The following PCYT1B variants were observed in gnomAD, a reference collection of about 807,000 sequenced individuals.
PCYT1B encodes phosphate cytidylyltransferase 1B, choline.
Under a neutral mutation model 26.4 loss-of-function variants are expected in PCYT1B, and 10 were observed. The ratio of observed to expected loss-of-function variants is 0.38; its 90% CI spans 0.23 to 0.64. The LOEUF (loss-of-function observed/expected upper bound fraction) is 0.64, where lower values mean the gene tolerates loss of function less well. Among genes scored for constraint, PCYT1B ranks in the 30% least tolerant of loss-of-function variants. The pLI, the probability that PCYT1B is intolerant of heterozygous loss-of-function variation, is 0.56. For missense variants in PCYT1B, 161 were observed against 292.7 expected (o/e 0.55, Z 3.28); for synonymous variants, 131 against 108.4 (o/e 1.21, Z -1.29).
chrX:24,608,596 C>G (rs1773619216), intron 2 of PCYT1B, among the ~76,000 whole-genome samples: 1 of 111,257 alleles, frequency 9.0e-6, no homozygotes, highest in Non-Finnish European at 1.9e-5. Flanking sequence ...ACACTATAGT[C>G]CTTCCTAGGG....
chrX:24,570,456 G>T (rs1349928145), intron 7 of PCYT1B, among the ~76,000 whole-genome samples: 1 of 108,874 alleles, frequency 9.2e-6, no homozygotes, highest in Admixed American at 9.9e-5. Context: ...GTTTCACCAC[G>T]TTGGCCAGGC....
chrX:24,593,437 CTTTCTTTCT>C (rs201774230), intron 3 of PCYT1B, among the ~76,000 whole-genome samples: 2,803 of 73,117 alleles, frequency 0.038, 62 homozygotes, highest in Non-Finnish European at 0.054. Context: ...TCTTTCCTTT[CTTTCTTTCT>C]TTTCTTTTCT....
chrX:24,638,585 C>CT (rs1386796339), intron 1 of PCYT1B, among the ~76,000 whole-genome samples: 5 of 111,499 alleles, frequency 4.5e-5, no homozygotes, highest in African/African-American at 1.6e-4. Flanking sequence ...ACCTTCCTTG[C>CT]TTTTTTTTCC....
rs1000792432 is a variant in PCYT1B at position 24,587,095 on chromosome X, G to C, written c.565+146C>G. 2.2e-5 allele frequency: 10 copies of C among 448,011 alleles called. No individual in the cohort carries two copies. In the East Asian group the frequency reaches 3.7e-4, roughly 17 times the overall value. The allele number at this position is 448,011 out of a possible 1,213,427, so 36.9% of individuals were successfully genotyped here. A position where few individuals can be genotyped will look rare whatever the true frequency, so the allele number is the denominator to read the frequency against. The stretch of plus-strand genomic sequence containing the variant: ...AACTGAGCCTTAGCACATGCTAACA[G>C]TGGCTTGTAGAAGCCGCCTGGGGGA... On this transcript the variant is annotated intron_variant, in intron 5 of 7. Coordinates refer to ENST00000379144, the MANE Select transcript of PCYT1B (RefSeq NM_004845.5).
chrX:24,619,067 G>A lies in PCYT1B; in HGVS notation c.135C>T (p.Ala45=), dbSNP rs748054417. 3 of 1,191,611 alleles carry A rather than the reference G, an allele frequency of 2.5e-6. No homozygotes were observed. Among genetic ancestry groups the A allele is most frequent in the Non-Finnish European group, 3.4e-6 (3 of 882,366 alleles). ...GGCAGTTGGTTTCATCAGCAAATGG[G>A]GCAGGTGCAGTCAGGGTCTAGAAGG... is the stretch of plus-strand genomic sequence containing the variant. ...PQPRLTLTAP[A]PFADETNCQC... is the part of the protein sequence containing the mutation. The change falls in exon 2 of 8, where the codon GCC becomes GCT. Residue 45 remains alanine, a synonymous_variant. Coordinates refer to ENST00000379144, the MANE Select transcript of PCYT1B (RefSeq NM_004845.5).
intron 1 of PCYT1B, among the ~76,000 whole-genome samples, chrX:24,636,707 C>T (rs1926281823): frequency 8.9e-6 from 1 of 112,549 alleles, no homozygotes; most frequent in Non-Finnish European, 1.9e-5. Context: ...ACACTTCCAG[C>T]GTCCATCCCA....
chrX:24,571,137 G>A (rs1923810308), intron 7 of PCYT1B, among the ~76,000 whole-genome samples: 1 of 111,805 alleles, frequency 8.9e-6, no homozygotes, highest in Admixed American at 9.5e-5. Flanking sequence ...GCCAAGGTGG[G>A]TGGATCACTT....
At chrX:24,607,934 G>A (rs1189119223) in intron 2 of PCYT1B, 73 bp from the exon 3 acceptor site, 9 of 540,357 alleles carry the variant, frequency 1.7e-5, no homozygotes, top group Non-Finnish European at 2.8e-5. Flanking sequence ...TCAGTCGTAA[G>A]AAACTTTCTG....
chrX:24,668,298 C>T (rs994847575), intron 1 of PCYT1B, among the ~76,000 whole-genome samples: 1 of 111,671 alleles, frequency 9.0e-6, no homozygotes, highest in Non-Finnish European at 1.9e-5. Context: ...TCACACTCCC[C>T]CTCCCCGCAA....
Position 24,562,425 on chromosome X carries a change from C to T in PCYT1B, c.978G>A (p.Arg326=), listed in dbSNP as rs1418651512. ...ATGGGGAGCGGGAAGGGGACCGGCT[C>T]CGGGTTGGGCTGCTCACAGGGCTCT... is the stretch of plus-strand genomic sequence containing the variant. ...PKQSPVSSPT[R]SRSPSRSPSP... The change falls in exon 8 of 8, where the codon CGG becomes CGA. Residue 326 remains arginine, a synonymous_variant. Coordinates refer to ENST00000379144, the MANE Select transcript of PCYT1B (RefSeq NM_004845.5). The T allele has an allele frequency of 8.4e-7, 1 of 1,195,571 alleles. No homozygotes were observed. The highest frequency in any genetic ancestry group is 2.3e-5 in the Admixed American group (1 of 43,277).
chrX:24,664,479 CT>C (rs1341510361), intron 1 of PCYT1B, among the ~76,000 whole-genome samples: 2 of 111,961 alleles, frequency 1.8e-5, no homozygotes, highest in Non-Finnish European at 3.8e-5. Context: ...AAAGCATGCA[CT>C]GATTACCTTC....
intron 7 of PCYT1B, 81 bp downstream of exon 7, chrX:24,575,049 G>A: frequency 1.3e-6 from 1 of 792,101 alleles, no homozygotes; most frequent in Non-Finnish European, 1.8e-6. Flanking sequence ...TGAGATAAGG[G>A]GCACCCTTGA....
chrX:24,629,809 A>G (rs1338452122), intron 1 of PCYT1B, among the ~76,000 whole-genome samples: 8 of 110,402 alleles, frequency 7.2e-5, no homozygotes, highest in Admixed American at 6.9e-4. Context: ...CCACTTTCCA[A>G]CCTCACAGCA....
At chrX:24,597,443 T>C (rs1381666535) in intron 3 of PCYT1B, among the ~76,000 whole-genome samples, 1 of 112,029 alleles carries the variant, frequency 8.9e-6, no homozygotes, top group African/African-American at 3.2e-5. Context: ...TCAAAAGGTA[T>C]CCATGAACAG....
In PCYT1B at chrX:24,575,170, A is replaced by G. The variant is rs1219642173; in HGVS notation, c.857T>C (p.Ile286Thr). The change falls in exon 7 of 8, where the codon ATT becomes ACT. Residue 286 changes from isoleucine to threonine, a missense_variant. Transcript: ENST00000379144. ...TCCAAACAGTTCTAGGAAGTTGCCA[A>G]TGAATTCCCTTGACTTCTCTTCCCA... The part of the protein sequence containing the change: ...QKWEEKSREF[I>T]GNFLELFGPD... 2.5e-6 allele frequency: 3 copies of G among 1,206,643 alleles called. No individual in the cohort carries two copies. The highest frequency in any genetic ancestry group is 4.4e-5 in the Admixed American group (2 of 45,323).
At chrX:24,667,343 C>A (rs746648115) in intron 1 of PCYT1B, among the ~76,000 whole-genome samples, 1 of 110,679 alleles carries the variant, frequency 9.0e-6, no homozygotes, top group East Asian at 2.8e-4. Flanking sequence ...CACATACATA[C>A]CTGTAATATT....
At chrX:24,597,898 T>TA (rs919735930) in intron 3 of PCYT1B, among the ~76,000 whole-genome samples, 6 of 112,476 alleles carry the variant, frequency 5.3e-5, no homozygotes, top group Non-Finnish European at 9.4e-5. Flanking sequence ...TAGTGAATTC[T>TA]AAAAAAATGG....
intron 1 of PCYT1B, among the ~76,000 whole-genome samples, chrX:24,623,364 C>CATATAT (rs57642734): frequency 0.031 from 2,484 of 79,251 alleles, 111 homozygotes; most frequent in African/African-American, 0.039. Context: ...ATGAGATTTA[C>CATATAT]ATATATATAT....
At chrX:24,601,082 T>A (rs979650761) in intron 3 of PCYT1B, among the ~76,000 whole-genome samples, 4 of 112,320 alleles carry the variant, frequency 3.6e-5, no homozygotes, top group Non-Finnish European at 7.5e-5. Flanking sequence ...GGTGGTGACT[T>A]TTTAGATACA....
Sources: allele counts gnomAD v4.1 joint callset (sites outside exome capture counted in the v4.1 genomes callset), GRCh38; gene constraint gnomAD v4.1.1; transcripts MANE v1.5; gene names NCBI Gene and HGNC (gene_info 2026-07-23, HGNC 2026-07-21).